PTPRE: variants seen among roughly 807,000 people sequenced by gnomAD.
PTPRE encodes the protein receptor-type tyrosine-protein phosphatase epsilon.
PTPRE carries 51 observed loss-of-function variants against 102.0 expected under a neutral mutation model. The ratio of observed to expected loss-of-function variants is 0.50; its 90% CI spans 0.40 to 0.63. The LOEUF (loss-of-function observed/expected upper bound fraction) is 0.63. PTPRE is among the 30% of genes least tolerant of loss of function. The pLI, the probability that PTPRE is intolerant of heterozygous loss-of-function variation, is 0.00. For synonymous variants in PTPRE, 345 were observed against 348.2 expected, an observed-to-expected ratio of 0.99 and a Z score of 0.10; for missense variants, 752 against 915.1, an observed-to-expected ratio of 0.82 and a Z score of 2.30.
At chr10:127,920,424 C>T (rs1846512790) in intron 1 of PTPRE, among the ~76,000 whole-genome samples, 1 of 152,174 alleles carries the variant, frequency 6.6e-6, no homozygotes, top group East Asian at 1.9e-4. Flanking sequence ...CGTGTGACAG[C>T]TCATGTGGCC....
At chr10:128,060,166 AC>A (rs1438764681) in intron 7 of PTPRE, among the ~76,000 whole-genome samples, 13 of 148,552 alleles carry the variant, frequency 8.8e-5, no homozygotes, top group Admixed American at 6.0e-4. Context: ...ACACATGCAC[AC>A]CACACATACA....
chr10:127,925,802 C>T (rs1444672879), intron 1 of PTPRE, among the ~76,000 whole-genome samples: 1 of 152,060 alleles, frequency 6.6e-6, no homozygotes, highest in African/African-American at 2.4e-5. Context: ...TGTGAGTGAA[C>T]AGGAAGGACC....
At chr10:128,033,280 G>A (rs780713739) in intron 2 of PTPRE, among the ~76,000 whole-genome samples, 8 of 152,222 alleles carry the variant, frequency 5.3e-5, no homozygotes, top group Non-Finnish European at 7.3e-5. Flanking sequence ...TACAGAAGGT[G>A]AAGTGATAGC....
At chr10:128,082,195 C>CTTTTTTTTTTTTTTTTTTTTTTTTT (rs35709074) in intron 20 of PTPRE, among the ~76,000 whole-genome samples, 1 of 89,036 alleles carries the variant, frequency 1.1e-5, no homozygotes, top group Non-Finnish European at 2.2e-5. Flanking sequence ...TTTTCTCTTT[C>CTTTTTTTTTTTTTTTTTTTTTTTTT]TTTTTTTTTT....
chr10:127,983,909 G>T (rs1192111127), intron 2 of PTPRE, among the ~76,000 whole-genome samples: 1 of 151,956 alleles, frequency 6.6e-6, no homozygotes, highest in Non-Finnish European at 1.5e-5. Context: ...CTCAAAACCG[G>T]CAAGAGATTC....
chr10:127,969,532 G>GTGGT (rs1850528525), intron 1 of PTPRE, among the ~76,000 whole-genome samples: 1 of 152,114 alleles, frequency 6.6e-6, no homozygotes. Context: ...GCTGGGCATG[G>GTGGT]TGGTGCACAC....
At chr10:128,076,856 C>A in intron 18 of PTPRE, 128 bp downstream of exon 18, 3 of 1,313,792 alleles carry the variant, frequency 2.3e-6, no homozygotes, top group Non-Finnish European at 3.1e-6. Context: ...GTCCCATTGG[C>A]TATGAATGGC....
At chr10:128,021,674 C>A (rs553305203) in intron 2 of PTPRE, among the ~76,000 whole-genome samples, 1 of 152,368 alleles carries the variant, frequency 6.6e-6, no homozygotes, top group South Asian at 2.1e-4. Context: ...GTTCTTCTCA[C>A]CAGTCAGTCA....
chr10:127,938,303 C>T (rs1349098327), intron 1 of PTPRE, among the ~76,000 whole-genome samples: 1 of 152,158 alleles, frequency 6.6e-6, no homozygotes, highest in Non-Finnish European at 1.5e-5. Flanking sequence ...GGAGCTCTCA[C>T]TGATCAGTCA....
intron 1 of PTPRE, among the ~76,000 whole-genome samples, chr10:127,921,090 C>T (rs1231145801): frequency 6.6e-6 from 1 of 152,226 alleles, no homozygotes; most frequent in Non-Finnish European, 1.5e-5. Context: ...AACACAGCTC[C>T]TTTGGCAAGT....
chr10:128,060,081 TACACACACAC>T (rs59000055), intron 7 of PTPRE, among the ~76,000 whole-genome samples: 3 of 145,968 alleles, frequency 2.1e-5, no homozygotes, highest in South Asian at 4.4e-4. Context: ...TACCACACAC[TACACACACAC>T]ACACACACAC....
chr10:128,071,990 G>A (rs757320732), intron 15 of PTPRE, 148 bp from the exon 16 acceptor site: 177 of 576,866 alleles, frequency 3.1e-4, no homozygotes, highest in Non-Finnish European at 7.8e-5. Flanking sequence ...TTTAATTATC[G>A]TCTCTCATAA....
chr10:127,962,923 G>A (rs972810506), intron 1 of PTPRE, among the ~76,000 whole-genome samples: 1 of 152,222 alleles, frequency 6.6e-6, no homozygotes, highest in Non-Finnish European at 1.5e-5. Flanking sequence ...GGCTGGGAGA[G>A]AGGAGAGCTG....
rs368186850 is a variant in PTPRE, at chr10:128,077,590, C to A, written c.1726-27C>A. On this transcript the variant is annotated intron_variant, in intron 18 of 20. Coordinates refer to ENST00000254667, the MANE Select transcript of PTPRE (RefSeq NM_006504.6). Reference sequence around the variant, plus strand: ...GGCCTGTTCCCCGGCAGGCAGGCGACGCTGAGACCCCCTCTCCTCCCTGCA... The same window carrying A: ...GGCCTGTTCCCCGGCAGGCAGGCGAAGCTGAGACCCCCTCTCCTCCCTGCA... 1.5e-5 allele frequency: 24 copies of A among 1,583,006 alleles called. No homozygotes were observed. The East Asian group carries it at 1.8e-4, about 12-fold the overall frequency.
intron 2 of PTPRE, among the ~76,000 whole-genome samples, chr10:128,002,242 C>T (rs1431580953): frequency 6.6e-6 from 1 of 152,220 alleles, no homozygotes. Flanking sequence ...CTGCTCCTGC[C>T]TGTTTATTTC....
intron 1 of PTPRE, among the ~76,000 whole-genome samples, chr10:127,915,552 T>A (rs955816597): frequency 6.6e-6 from 1 of 152,220 alleles, no homozygotes; most frequent in African/African-American, 2.4e-5. Context: ...CTGGAGATGT[T>A]ATCAGTCTGT....
chr10:127,922,393 G>T (rs551932711), intron 1 of PTPRE, among the ~76,000 whole-genome samples: 22 of 152,222 alleles, frequency 1.4e-4, no homozygotes, highest in African/African-American at 5.1e-4. Context: ...CTGTCTGTGC[G>T]GAGCTCAGCC....
At chr10:127,939,321 G>C (rs571565008) in intron 1 of PTPRE, among the ~76,000 whole-genome samples, 1 of 152,116 alleles carries the variant, frequency 6.6e-6, no homozygotes, top group Non-Finnish European at 1.5e-5. Flanking sequence ...AAAACTTCCC[G>C]TTCTGCTGTA....
In PTPRE at chr10:128,069,787, C is replaced by A. The variant is rs1370509697; in HGVS notation, c.1103C>A (p.Ser368Tyr). 1 of 1,614,096 alleles carries A rather than the reference C, an allele frequency of 6.2e-7. No homozygotes were observed. Among genetic ancestry groups the A allele is most frequent in the African/African-American group, 1.3e-5 (1 of 74,938 alleles). The change falls in exon 13 of 21, where the codon TCT (serine) becomes TAT (tyrosine). Residue 368 changes from serine (S) to tyrosine (Y), a missense_variant. Ser to Tyr is a moderately radical substitution (Grantham distance 144, BLOSUM62 -2). Coordinates refer to ENST00000254667, the MANE Select transcript of PTPRE (RefSeq NM_006504.6). Reference protein sequence around the residue: ...EQKVDVFEFVSRIRNQRPQMV... With the variant: ...EQKVDVFEFVYRIRNQRPQMV... ...AAGGTGGATGTGTTTGAATTTGTGT[C>A]TCGAATCCGTAATCAGCGCCCTCAG...
Sources: gnomAD v4.1 joint callset for allele counts (sites outside exome capture counted in the v4.1 genomes callset) on GRCh38, gnomAD v4.1.1 for gene constraint, MANE v1.5 for transcripts, NCBI Gene and HGNC (gene_info 2026-07-23, HGNC 2026-07-21) for gene names.